The following CXXC5 variants were observed in gnomAD, a reference collection of about 807,000 sequenced individuals.
CXXC5 encodes CXXC finger protein 5, also known as CXXC-type zinc finger protein 5.
CXXC5 carries 2 observed loss-of-function variants against 17.6 expected under a neutral mutation model. That is an observed-to-expected ratio of 0.11 (90% CI 0.05 to 0.36). The LOEUF (loss-of-function observed/expected upper bound fraction) is 0.36, where lower values mean the gene tolerates loss of function less well. Ranked by LOEUF, CXXC5 falls within the 10% of genes least tolerant of loss-of-function variation. CXXC5 has a pLI of 1.00. For synonymous variants in CXXC5, 171 were observed against 193.0 expected (o/e 0.89, Z 0.94); for missense variants, 343 against 458.3 (o/e 0.75, Z 2.30).
chr5:139,651,336 C>T (rs1385679901), intron 1 of CXXC5, among the ~76,000 whole-genome samples: 2 of 147,340 alleles, frequency 1.4e-5, no homozygotes, highest in Non-Finnish European at 3.0e-5. Context: ...CCAGTGGCCT[C>T]GTCTTTATCA....
intron 1 of CXXC5, among the ~76,000 whole-genome samples, chr5:139,666,227 G>A (rs751776341): frequency 6.6e-5 from 10 of 152,096 alleles, no homozygotes; most frequent in Non-Finnish European, 1.2e-4. Flanking sequence ...TCCCATGGGC[G>A]GCCTCCTCCC....
At chr5:139,651,756 G>C (rs1484077850) in intron 1 of CXXC5, among the ~76,000 whole-genome samples, 2 of 152,056 alleles carry the variant, frequency 1.3e-5, no homozygotes, top group Non-Finnish European at 1.5e-5. Flanking sequence ...GAGGGAATAC[G>C]GGTGAGCCAG....
intron 2 of CXXC5, among the ~76,000 whole-genome samples, chr5:139,682,505 C>T (rs1379779879): frequency 1.3e-5 from 2 of 152,190 alleles, no homozygotes; most frequent in South Asian, 2.1e-4. Context: ...CAGCATAGCA[C>T]GAGGCACACA....
At chr5:139,676,005 GTAT>G (rs1756762454) in intron 1 of CXXC5, among the ~76,000 whole-genome samples, 4 of 131,894 alleles carry the variant, frequency 3.0e-5, no homozygotes. Flanking sequence ...GTGGCCCCAG[GTAT>G]GAGTCTCCCT....
chr5:139,657,948 C>G (rs1238618827), intron 1 of CXXC5, among the ~76,000 whole-genome samples: 2 of 151,364 alleles, frequency 1.3e-5, no homozygotes, highest in Admixed American at 6.6e-5. Context: ...CACTCTCACT[C>G]TGGTGCGGGC....
At chr5:139,647,983 AAGAT>A (rs1242385920), upstream of CXXC5, 4 of 151,588 alleles carry the variant, frequency 2.6e-5, no homozygotes, top group East Asian at 7.8e-4. Context: ...AGGGGGCAGA[AAGAT>A]AGCAGATTTC....
intron 1 of CXXC5, among the ~76,000 whole-genome samples, chr5:139,656,346 G>A (rs950324269): frequency 6.6e-6 from 1 of 152,240 alleles, no homozygotes; most frequent in Admixed American, 6.5e-5. Context: ...TGTCAGGTGG[G>A]GGCCTCAGTG....
intron 1 of CXXC5, among the ~76,000 whole-genome samples, chr5:139,654,296 C>T (rs1003182534): frequency 6.6e-6 from 1 of 152,238 alleles, no homozygotes; most frequent in Admixed American, 6.5e-5. Context: ...TGAGCAGTGG[C>T]TCTAGAGTCC....
In CXXC5 at chr5:139,680,557, G is replaced by A. The variant is rs375744665; in HGVS notation, c.34G>A (p.Gly12Ser). 5.9e-5 allele frequency: 93 copies of A among 1,578,448 alleles called. 1 individual carries two copies. The African/African-American group carries it at 8.5e-4, about 14-fold the overall frequency. Reference sequence around the variant, plus strand: ...CCTCGGCGGTGGCTCCCAGGATGCCGGCGGCAGTAGCAGCAGCAGCACCAA... The same window carrying A: ...CCTCGGCGGTGGCTCCCAGGATGCCAGCGGCAGTAGCAGCAGCAGCACCAA... ...SSLGGGSQDA[G>S]GSSSSSTNGS... Residue 12 changes from glycine (G) to serine (S), a missense_variant, in exon 2 of 3, where the codon GGC becomes AGC. Gly to Ser is a moderately conservative substitution (Grantham distance 56). Coordinates refer to ENST00000302517, the MANE Select transcript of CXXC5 (RefSeq NM_016463.9).
At chr5:139,662,615 T>C (rs917596322) in intron 1 of CXXC5, among the ~76,000 whole-genome samples, 3 of 152,284 alleles carry the variant, frequency 2.0e-5, no homozygotes, top group South Asian at 2.1e-4. Flanking sequence ...TCAGGCCCAG[T>C]TGGGCTCCCT....
At chr5:139,662,991 G>A (rs1202760428) in intron 1 of CXXC5, among the ~76,000 whole-genome samples, 1 of 152,158 alleles carries the variant, frequency 6.6e-6, no homozygotes, top group Non-Finnish European at 1.5e-5. Context: ...ACTAGACCTG[G>A]CATTTTTCTG....
intron 1 of CXXC5, among the ~76,000 whole-genome samples, chr5:139,650,624 G>A (rs1755118967): frequency 6.6e-6 from 1 of 152,220 alleles, no homozygotes; most frequent in East Asian, 1.9e-4. Flanking sequence ...CAGGCCGCGG[G>A]GTGGGGGGCG....
rs904816927 is a variant in CXXC5 at position 139,668,255 on chromosome 5, G to A, written c.-160-12109G>A. ...TCTAATTGCTGCGCCTGGTGGCACC[G>A]TGGAATGAGGGGAGGCCAGCCTTCT... On this transcript the variant is annotated intron_variant, in intron 1 of 2. Transcript: ENST00000302517. This position sits in a 1 kb window ranked among gnomAD's most constrained non-coding sequence, Gnocchi z 4.1. Among the ~76,000 whole-genome samples the A allele has an allele frequency of 3.9e-5, 6 of 152,138 alleles. No homozygotes were observed. The highest frequency in any genetic ancestry group is 1.4e-4 in the African/African-American group (6 of 41,446).
Position 139,658,405 on chromosome 5 carries a change from C to G in CXXC5, c.-161+9560C>G, listed in dbSNP as rs1281317429. On this transcript the variant is annotated intron_variant, in intron 1 of 2. Coordinates refer to ENST00000302517, the MANE Select transcript of CXXC5 (RefSeq NM_016463.9). The surrounding 1 kb of genome is among the most constrained non-coding windows in gnomAD (Gnocchi z 4.1). Reference sequence around the variant, plus strand: ...TGTTTGATGCTAGGGGACACTGAAGCTCTAGGGGTCAGGCTGCCCTGAGGT... The same window carrying G: ...TGTTTGATGCTAGGGGACACTGAAGGTCTAGGGGTCAGGCTGCCCTGAGGT... 1.3e-5 allele frequency among the ~76,000 whole-genome samples: 2 copies of G among 152,196 alleles called. No individual in the cohort carries two copies. Among genetic ancestry groups the G allele is most frequent in the African/African-American group, 4.8e-5 (2 of 41,446 alleles).
chr5:139,669,524 C>G (rs982024958), intron 1 of CXXC5, among the ~76,000 whole-genome samples: 1 of 152,062 alleles, frequency 6.6e-6, no homozygotes, highest in Non-Finnish European at 1.5e-5. Flanking sequence ...CCCCTAGACC[C>G]AGCATGGCTC....
chr5:139,672,837 T>C (rs1430201332), intron 1 of CXXC5, among the ~76,000 whole-genome samples: 3 of 152,154 alleles, frequency 2.0e-5, no homozygotes, highest in Non-Finnish European at 2.9e-5. Flanking sequence ...GCCACAAACC[T>C]AGGCCTCAGG....
intron 1 of CXXC5, among the ~76,000 whole-genome samples, chr5:139,651,478 A>G (rs1755175864): frequency 6.6e-6 from 1 of 152,178 alleles, no homozygotes; most frequent in South Asian, 2.1e-4. Flanking sequence ...ATGGGTTCCC[A>G]CTGTGACCCT....
At chr5:139,676,929 CTA>C (rs1169643074) in intron 1 of CXXC5, among the ~76,000 whole-genome samples, 3 of 151,578 alleles carry the variant, frequency 2.0e-5, no homozygotes, top group Non-Finnish European at 4.4e-5. Context: ...CCACCTGTCT[CTA>C]TTCTGCCCCC....
At chr5:139,656,258 C>T (rs984498616) in intron 1 of CXXC5, among the ~76,000 whole-genome samples, 2 of 152,264 alleles carry the variant, frequency 1.3e-5, no homozygotes, top group Admixed American at 6.5e-5. Flanking sequence ...AAGCATCTTT[C>T]CAGGCCTTTC....
Sources: gnomAD v4.1 joint callset for allele counts (sites outside exome capture counted in the v4.1 genomes callset) on GRCh38, gnomAD v4.1.1 for gene constraint, Gnocchi (gnomAD v3.1) non-coding constraint, MANE v1.5 for transcripts, NCBI Gene and HGNC (gene_info 2026-07-23, HGNC 2026-07-21) for gene names.